DPYSL5: variants seen among roughly 807,000 people sequenced by gnomAD.
DPYSL5 encodes the protein dihydropyrimidinase-related protein 5.
A neutral mutation model predicts 58.4 loss-of-function variants in DPYSL5; 9 were observed. The ratio of observed to expected loss-of-function variants is 0.15; its 90% CI spans 0.09 to 0.27. The LOEUF (loss-of-function observed/expected upper bound fraction) is 0.27. DPYSL5 is among the 10% of genes least tolerant of loss of function. The pLI, the probability that DPYSL5 is intolerant of heterozygous loss-of-function variation, is 1.00. For synonymous variants in DPYSL5, 293 were observed against 301.9 expected (o/e 0.97, Z 0.31); for missense variants, 499 against 770.6 (o/e 0.65, Z 4.17).
chr2:26,921,771 A>T (rs1004024882), intron 2 of DPYSL5, among the ~76,000 whole-genome samples: 1 of 152,148 alleles, frequency 6.6e-6, no homozygotes, highest in Non-Finnish European at 1.5e-5. Context: ...GGTAATAATT[A>T]TTCCAGATAC....
At chr2:26,862,086 G>A (rs1340033267) in intron 1 of DPYSL5, among the ~76,000 whole-genome samples, 1 of 152,184 alleles carries the variant, frequency 6.6e-6, no homozygotes, top group African/African-American at 2.4e-5. Context: ...CCCCAGGCAG[G>A]TCTCCAGATG....
At chr2:26,909,979 T>C (rs768301753) in intron 2 of DPYSL5, among the ~76,000 whole-genome samples, 3 of 152,202 alleles carry the variant, frequency 2.0e-5, no homozygotes, top group Non-Finnish European at 2.9e-5. Flanking sequence ...ATAATAAACA[T>C]ATCCACCATT....
intron 2 of DPYSL5, among the ~76,000 whole-genome samples, chr2:26,907,858 A>G (rs1401606202): frequency 1.3e-5 from 2 of 152,224 alleles, no homozygotes; most frequent in African/African-American, 2.4e-5. Context: ...TTTGAGGAGC[A>G]GAGACCACGA....
In DPYSL5 at chr2:26,921,396, A is replaced by T. The variant is rs868778213; in HGVS notation, c.262-3491A>T. 2.3e-4 allele frequency among the ~76,000 whole-genome samples: 35 copies of T among 151,878 alleles called. No individual in the cohort carries two copies. The Middle Eastern group carries it at 0.017, about 74-fold the overall frequency. ...TTCTGCAGCGTACTTAACCAACACC[A>T]TTTTTTGTGTAAAAAGTCATGAGCA... On this transcript the variant is annotated intron_variant, in intron 2 of 12. Coordinates refer to ENST00000288699, the MANE Select transcript of DPYSL5 (RefSeq NM_020134.4).
intron 1 of DPYSL5, among the ~76,000 whole-genome samples, chr2:26,856,477 A>AT (rs1273680452): frequency 2.0e-5 from 3 of 151,946 alleles, no homozygotes; most frequent in Non-Finnish European, 2.9e-5. Flanking sequence ...TAATTTGCTT[A>AT]TTTTTTTCAT....
At chr2:26,895,775 C>CTTTTTTTTTTTTTTTTTTTTTTT (rs869030530) in intron 1 of DPYSL5, among the ~76,000 whole-genome samples, 3 of 101,082 alleles carry the variant, frequency 3.0e-5, no homozygotes, top group Non-Finnish European at 5.9e-5. Flanking sequence ...ATTTCTTTTT[C>CTTTTTTTTTTTTTTTTTTTTTTT]TTTTTTTTTT....
intron 1 of DPYSL5, among the ~76,000 whole-genome samples, chr2:26,873,336 C>T (rs1663319578): frequency 6.6e-6 from 1 of 152,128 alleles, no homozygotes; most frequent in Non-Finnish European, 1.5e-5. Context: ...ATCCCCCTTC[C>T]TCTCCACCAC....
intron 8 of DPYSL5, chr2:26,938,970 G>C (rs960554540): frequency 1.3e-5 from 2 of 152,410 alleles, no homozygotes; most frequent in Non-Finnish European, 2.9e-5. Flanking sequence ...CTGAGCCCTT[G>C]GCCTGCAGAG....
rs1397170007 is a variant in DPYSL5, at chr2:26,877,389, G to T, written c.-4-21107G>T. 1.3e-5 allele frequency among the ~76,000 whole-genome samples: 2 copies of T among 152,068 alleles called. No homozygotes were observed. The highest frequency in any genetic ancestry group is 4.8e-5 in the African/African-American group (2 of 41,402). On this transcript the variant is annotated intron_variant, in intron 1 of 12. Coordinates refer to ENST00000288699, the MANE Select transcript of DPYSL5 (RefSeq NM_020134.4). The surrounding 1 kb of genome is among the most constrained non-coding windows in gnomAD (Gnocchi z 4.1). ...CCATGAATAACATCAAAACAATGTG[G>T]ACACTAAGAGAATACATGTAACTCA...
intron 1 of DPYSL5, among the ~76,000 whole-genome samples, chr2:26,861,961 A>T (rs577181132): frequency 6.6e-6 from 1 of 152,200 alleles, no homozygotes; most frequent in Non-Finnish European, 1.5e-5. Flanking sequence ...GGGAAAGCCC[A>T]CTTGGCAAGA....
intron 2 of DPYSL5, among the ~76,000 whole-genome samples, chr2:26,909,146 A>T (rs1664370185): frequency 6.6e-6 from 1 of 152,210 alleles, no homozygotes; most frequent in Non-Finnish European, 1.5e-5. Context: ...TACTGCAGCC[A>T]GCCACATTTT....
intron 1 of DPYSL5, among the ~76,000 whole-genome samples, chr2:26,865,059 G>A (rs902613034): frequency 6.6e-6 from 1 of 152,290 alleles, no homozygotes; most frequent in African/African-American, 2.4e-5. Flanking sequence ...ACAATACAAT[G>A]ATGAGTTTTG....
chr2:26,849,994 G>T lies in DPYSL5; in HGVS notation c.-5+1740G>T, dbSNP rs1187378755. ...GCGGCGACGCAGGTGCCAAAGACTG[G>T]AGGTCGCCTCGGTGCAGCGCGGGTT... On this transcript the variant is annotated intron_variant, in intron 1 of 12. Coordinates refer to ENST00000288699, the MANE Select transcript of DPYSL5 (RefSeq NM_020134.4). The surrounding 1 kb of genome is among the most constrained non-coding windows in gnomAD (Gnocchi z 6.2). Among the ~76,000 whole-genome samples the T allele has an allele frequency of 1.3e-5, 2 of 152,240 alleles. No homozygotes were observed. The highest frequency in any genetic ancestry group is 2.4e-5 in the African/African-American group (1 of 41,462).
At chr2:26,885,710 G>A (rs1026243256) in intron 1 of DPYSL5, among the ~76,000 whole-genome samples, 1 of 152,210 alleles carries the variant, frequency 6.6e-6, no homozygotes, top group African/African-American at 2.4e-5. Context: ...TGCCTGATCA[G>A]TCCTTCCTGT....
At chr2:26,929,180 T>C (rs1664910046) in intron 5 of DPYSL5, among the ~76,000 whole-genome samples, 1 of 152,122 alleles carries the variant, frequency 6.6e-6, no homozygotes, top group South Asian at 2.1e-4. Context: ...ACGCTCCTTA[T>C]GAGAATCTAA....
At chr2:26,900,477 C>A (rs542206728) in intron 2 of DPYSL5, among the ~76,000 whole-genome samples, 1 of 152,314 alleles carries the variant, frequency 6.6e-6, no homozygotes, top group East Asian at 1.9e-4. Flanking sequence ...AATTATCTCT[C>A]TGTCAGTGGC....
At chr2:26,907,848 T>C (rs1420669601) in intron 2 of DPYSL5, among the ~76,000 whole-genome samples, 3 of 152,218 alleles carry the variant, frequency 2.0e-5, no homozygotes, top group African/African-American at 7.2e-5. Context: ...TTGAAGACCC[T>C]TTGAGGAGCA....
rs1008695525 is a variant in DPYSL5, at chr2:26,905,186, G to T, written c.261+6426G>T. Among the ~76,000 whole-genome samples, 6 of 152,318 alleles carry T rather than the reference G, an allele frequency of 3.9e-5. No individual in the cohort carries two copies. The highest frequency in any genetic ancestry group is 6.8e-3 in the Middle Eastern group (2 of 294). On this transcript the variant is annotated intron_variant, in intron 2 of 12. Transcript: ENST00000288699. This position sits in a 1 kb window ranked among gnomAD's most constrained non-coding sequence, Gnocchi z 4.0. ...CTGAGCGAGGTCTCTGCCTGCCCAAGACAGTAGCTTTATGAAATGCTGCTC... is the reference window on the plus strand; with the variant it reads ...CTGAGCGAGGTCTCTGCCTGCCCAATACAGTAGCTTTATGAAATGCTGCTC...
At chr2:26,854,319 C>A (rs551357728) in intron 1 of DPYSL5, among the ~76,000 whole-genome samples, 1 of 152,170 alleles carries the variant, frequency 6.6e-6, no homozygotes, top group Admixed American at 6.5e-5. Flanking sequence ...ATTAGCCAGG[C>A]ATGGTGGCAT....
Sources: gnomAD v4.1 joint callset for allele counts (sites outside exome capture counted in the v4.1 genomes callset) on GRCh38, gnomAD v4.1.1 for gene constraint, Gnocchi (gnomAD v3.1) non-coding constraint, MANE v1.5 for transcripts, NCBI Gene and HGNC (gene_info 2026-07-23, HGNC 2026-07-21) for gene names.